Variants in CTNNA3 observed in about 807,000 individuals in gnomAD.
The protein encoded by CTNNA3 is catenin alpha-3.
CTNNA3 carries 76 observed loss-of-function variants against 95.7 expected under a neutral mutation model. The observed-to-expected ratio is 0.79, with a 90% CI of 0.66 to 0.96. CTNNA3 has a LOEUF of 0.96. Ranked by LOEUF, CTNNA3 falls within the 40% of genes least tolerant of loss-of-function variation. The pLI, the probability that CTNNA3 is intolerant of heterozygous loss-of-function variation, is 0.00. For missense variants in CTNNA3, 1,191 were observed against 1,089.8 expected (o/e 1.09, Z -1.31); for synonymous variants, 431 against 374.4 (o/e 1.15, Z -1.74).
intron 7 of CTNNA3, among the ~76,000 whole-genome samples, chr10:67,032,596 A>C (rs950331312): frequency 3.9e-5 from 6 of 152,186 alleles, no homozygotes; most frequent in Non-Finnish European, 7.3e-5. Context: ...CATCAGACAG[A>C]TGTTATTGAT....
At chr10:67,154,837 C>T (rs932815829) in intron 7 of CTNNA3, among the ~76,000 whole-genome samples, 5 of 152,156 alleles carry the variant, frequency 3.3e-5, no homozygotes, top group African/African-American at 1.2e-4. Flanking sequence ...CAGTTCTTTC[C>T]AGAATTCACG....
chr10:67,150,441 GTTTA>G (rs1861037760), intron 7 of CTNNA3, among the ~76,000 whole-genome samples: 4 of 152,164 alleles, frequency 2.6e-5, no homozygotes, highest in African/African-American at 9.7e-5. Context: ...ATACCAAGTA[GTTTA>G]TTTGTTTGAG....
At chr10:67,708,284 G>T (rs571761626) in intron 1 of CTNNA3, among the ~76,000 whole-genome samples, 120 of 152,126 alleles carry the variant, frequency 7.9e-4, no homozygotes, top group African/African-American at 2.6e-3. Flanking sequence ...TGATTACTTG[G>T]TTACTTCTTT....
At chr10:66,042,152 T>C (rs2079706207) in intron 15 of CTNNA3, among the ~76,000 whole-genome samples, 1 of 152,196 alleles carries the variant, frequency 6.6e-6, no homozygotes, top group African/African-American at 2.4e-5. Context: ...CCTCCGTCAA[T>C]TCTTAGAGGT....
At chr10:66,666,036 A>G (rs1846440062) in intron 9 of CTNNA3, among the ~76,000 whole-genome samples, 1 of 152,190 alleles carries the variant, frequency 6.6e-6, no homozygotes, top group Non-Finnish European at 1.5e-5. Context: ...AGAAAAGATA[A>G]ACACAATCTA....
At chr10:67,192,717 A>G (rs1169400539) in intron 6 of CTNNA3, among the ~76,000 whole-genome samples, 1 of 151,900 alleles carries the variant, frequency 6.6e-6, no homozygotes, top group African/African-American at 2.4e-5. Context: ...TTAAAAATAC[A>G]ACTACCAAAA....
At chr10:66,479,397 A>G (rs1170886912) in intron 11 of CTNNA3, among the ~76,000 whole-genome samples, 2 of 152,076 alleles carry the variant, frequency 1.3e-5, no homozygotes, top group African/African-American at 4.8e-5. Flanking sequence ...CTTTCATATA[A>G]AATCTTAGAA....
At chr10:67,352,683 A>C (rs1842677577) in intron 5 of CTNNA3, among the ~76,000 whole-genome samples, 1 of 151,974 alleles carries the variant, frequency 6.6e-6, no homozygotes, top group African/African-American at 2.4e-5. Flanking sequence ...ACGAAATGTA[A>C]CTATTGCTCC....
intron 7 of CTNNA3, among the ~76,000 whole-genome samples, chr10:66,857,330 T>A (rs766155704): frequency 6.6e-6 from 1 of 152,086 alleles, no homozygotes; most frequent in African/African-American, 2.4e-5. Flanking sequence ...TGAAATCAGG[T>A]AATGTGATGC....
At chr10:66,389,151 T>A (rs1258461939) in intron 11 of CTNNA3, among the ~76,000 whole-genome samples, 1 of 152,180 alleles carries the variant, frequency 6.6e-6, no homozygotes, top group Non-Finnish European at 1.5e-5. Flanking sequence ...TAGACTTTGC[T>A]TCTGATGGAA....
At chr10:67,189,208 T>C (rs760467629) in intron 6 of CTNNA3, among the ~76,000 whole-genome samples, 7 of 151,642 alleles carry the variant, frequency 4.6e-5, no homozygotes, top group Admixed American at 1.3e-4. Flanking sequence ...CATTATGTTA[T>C]GTGAAATAAG....
chr10:66,130,781 G>A (rs181386537), intron 13 of CTNNA3, among the ~76,000 whole-genome samples: 238 of 151,512 alleles, frequency 1.6e-3, no homozygotes, highest in African/African-American at 5.4e-3. Context: ...GCTTGAACCC[G>A]GGAGGTGGAG....
intron 17 of CTNNA3, among the ~76,000 whole-genome samples, chr10:65,962,443 A>G (rs534228607): frequency 6.6e-6 from 1 of 152,196 alleles, no homozygotes; most frequent in South Asian, 2.1e-4. Flanking sequence ...TTAACACCCA[A>G]TGGATAATTG....
intron 7 of CTNNA3, among the ~76,000 whole-genome samples, chr10:66,945,889 T>C (rs1218925186): frequency 6.6e-6 from 1 of 152,108 alleles, no homozygotes; most frequent in African/African-American, 2.4e-5. Flanking sequence ...GGTCAGGACA[T>C]ATTTATTGAT....
At chr10:67,005,011 T>C (rs1403036185) in intron 7 of CTNNA3, among the ~76,000 whole-genome samples, 1 of 152,168 alleles carries the variant, frequency 6.6e-6, no homozygotes, top group Non-Finnish European at 1.5e-5. Context: ...ACCCTCAAGG[T>C]AGTTTCATAG....
In CTNNA3 at chr10:67,483,585, A is replaced by C. The variant is rs573218041; in HGVS notation, c.579+38257T>G. On this transcript the variant is annotated intron_variant, in intron 5 of 17. Transcript: ENST00000433211. ...TGAACCCATGGACACAGGAAGGGGA[A>C]CATCACACTCTGGGGACTGTTGTGG... Among the ~76,000 whole-genome samples the C allele has an allele frequency of 2.3e-4, 35 of 151,756 alleles. No individual in the cohort carries two copies. The East Asian group carries it at 6.8e-3, about 30-fold the overall frequency.
intron 11 of CTNNA3, among the ~76,000 whole-genome samples, chr10:66,497,531 T>G (rs1840138241): frequency 6.6e-6 from 1 of 152,028 alleles, no homozygotes; most frequent in Non-Finnish European, 1.5e-5. Context: ...TTTCATTTAA[T>G]TATAATTCAT....
At chr10:67,142,703 G>C (rs1424408508) in intron 7 of CTNNA3, among the ~76,000 whole-genome samples, 2 of 151,946 alleles carry the variant, frequency 1.3e-5, no homozygotes, top group African/African-American at 4.8e-5. Flanking sequence ...GGAGGCCGAG[G>C]CGAGTGGATC....
intron 13 of CTNNA3, among the ~76,000 whole-genome samples, chr10:66,120,033 A>T (rs1276668770): frequency 6.6e-6 from 1 of 152,216 alleles, no homozygotes. Context: ...TGTAAGGCAC[A>T]CTTTTCATTC....
Sources: gnomAD v4.1 joint callset for allele counts (sites outside exome capture counted in the v4.1 genomes callset) on GRCh38, gnomAD v4.1.1 for gene constraint, MANE v1.5 for transcripts, NCBI Gene and HGNC (gene_info 2026-07-23, HGNC 2026-07-21) for gene names.